SNX30: variants seen among roughly 807,000 people sequenced by gnomAD.
SNX30 encodes sorting nexin-30.
In SNX30, 24 loss-of-function variants were observed where a neutral mutation model predicts 46.4. The ratio of observed to expected loss-of-function variants is 0.52; its 90% CI spans 0.37 to 0.73. The LOEUF (loss-of-function observed/expected upper bound fraction) is 0.73. Among genes scored for constraint, SNX30 ranks in the 30% least tolerant of loss-of-function variants. The pLI is 0.00. For missense variants in SNX30, 533 were observed against 555.7 expected (o/e 0.96, Z 0.41); for synonymous variants, 189 against 211.5 (o/e 0.89, Z 0.92).
At chr9:112,865,846 G>T (rs1056362457) in intron 8 of SNX30, among the ~76,000 whole-genome samples, 1 of 151,364 alleles carries the variant, frequency 6.6e-6, no homozygotes, top group Non-Finnish European at 1.5e-5. Flanking sequence ...AGTGCAGTCT[G>T]TTACCCAGAG....
chr9:112,846,181 A>G (rs1840938050), intron 6 of SNX30, among the ~76,000 whole-genome samples: 2 of 152,214 alleles, frequency 1.3e-5, no homozygotes, highest in African/African-American at 4.8e-5. Flanking sequence ...CATCTGAATA[A>G]CAGGTGTGCA....
intron 1 of SNX30, among the ~76,000 whole-genome samples, chr9:112,786,117 CTTTTTT>C (rs140987500): frequency 3.8e-5 from 5 of 130,182 alleles, no homozygotes; most frequent in African/African-American, 2.8e-5. Context: ...AGGAGCTGTC[CTTTTTT>C]TTTTTTTTTT....
At chr9:112,796,265 T>C (rs1234698535) in intron 1 of SNX30, among the ~76,000 whole-genome samples, 1 of 152,212 alleles carries the variant, frequency 6.6e-6, no homozygotes, top group East Asian at 1.9e-4. Flanking sequence ...GGTGTGCTAG[T>C]GTTGATAAAA....
intron 6 of SNX30, among the ~76,000 whole-genome samples, chr9:112,847,881 G>T (rs983675188): frequency 6.6e-6 from 1 of 152,066 alleles, no homozygotes; most frequent in Non-Finnish European, 1.5e-5. Flanking sequence ...TTCCATTCCT[G>T]TTTTATTTTT....
At chr9:112,771,191 A>T (rs17742501) in intron 1 of SNX30, among the ~76,000 whole-genome samples, 10,378 of 152,302 alleles carry the variant, frequency 0.068, 455 homozygotes, top group Non-Finnish European at 0.099. Flanking sequence ...GCTTATTGCT[A>T]AATTTCCATG....
chr9:112,859,705 G>A (rs1434292581), intron 7 of SNX30, among the ~76,000 whole-genome samples: 4 of 144,178 alleles, frequency 2.8e-5, no homozygotes, highest in Admixed American at 6.9e-5. Flanking sequence ...TCCGCCTCCC[G>A]GAGACCAGCC....
intron 1 of SNX30, among the ~76,000 whole-genome samples, chr9:112,756,323 C>T (rs932916273): frequency 2.0e-5 from 3 of 152,004 alleles, no homozygotes; most frequent in Admixed American, 6.6e-5. Flanking sequence ...TAGACCCCAA[C>T]TTACTGTCTT....
chr9:112,850,515 G>A (rs527926100), intron 6 of SNX30, among the ~76,000 whole-genome samples: 10 of 152,342 alleles, frequency 6.6e-5, no homozygotes, highest in African/African-American at 1.2e-4. Context: ...CTGCACAGCC[G>A]GGCTCTGGCT....
chr9:112,832,180 C>G (rs745617792), intron 4 of SNX30, among the ~76,000 whole-genome samples: 11 of 151,994 alleles, frequency 7.2e-5, no homozygotes, highest in East Asian at 3.9e-4. Flanking sequence ...GCTTTCCCCC[C>G]CTACAGGTTG....
intron 3 of SNX30, among the ~76,000 whole-genome samples, chr9:112,826,087 G>A (rs1840575605): frequency 6.6e-6 from 1 of 152,116 alleles, no homozygotes; most frequent in Non-Finnish European, 1.5e-5. Flanking sequence ...GTTAAATGAG[G>A]CACTCCTAAC....
chr9:112,762,187 C>T (rs1839446390), intron 1 of SNX30, among the ~76,000 whole-genome samples: 1 of 151,976 alleles, frequency 6.6e-6, no homozygotes, highest in Non-Finnish European at 1.5e-5. Context: ...TTTTGGCAGC[C>T]AGCGCAGGGA....
At chr9:112,785,499 T>C (rs1192616285) in intron 1 of SNX30, among the ~76,000 whole-genome samples, 2 of 152,094 alleles carry the variant, frequency 1.3e-5, no homozygotes, top group Non-Finnish European at 2.9e-5. Flanking sequence ...TTCTCATGCC[T>C]TAGCCTCCTG....
chr9:112,857,425 C>T (rs1445755419), intron 7 of SNX30, among the ~76,000 whole-genome samples: 1 of 152,132 alleles, frequency 6.6e-6, no homozygotes, highest in Non-Finnish European at 1.5e-5. Flanking sequence ...CTGGAGGTGA[C>T]CAGCCTGGGG....
At chr9:112,853,049 G>A (rs10733598) in intron 7 of SNX30, among the ~76,000 whole-genome samples, 141,943 of 152,268 alleles carry the variant, frequency 0.93, 66,235 homozygotes, top group East Asian at 1. Flanking sequence ...TCCCCGTTTC[G>A]TGGGTGAGGA....
intron 8 of SNX30, among the ~76,000 whole-genome samples, chr9:112,865,663 GTA>G (rs1487070504): frequency 1.6e-4 from 12 of 73,468 alleles, no homozygotes; most frequent in African/African-American, 6.0e-4. Context: ...ATATATATAT[GTA>G]TGTATGTATG....
chr9:112,885,070 C>T (rs935841169), downstream of SNX30: 7 of 152,154 alleles, frequency 4.6e-5, no homozygotes, highest in African/African-American at 1.7e-4. Flanking sequence ...CAGTTTGCAC[C>T]TTAGGAATGA....
intron 2 of SNX30, among the ~76,000 whole-genome samples, chr9:112,817,444 C>T (rs1484361251): frequency 1.6e-5 from 1 of 60,780 alleles, no homozygotes; most frequent in African/African-American, 7.2e-5. Context: ...GACGGAGTCT[C>T]GCTCTGTCAC....
At chr9:112,850,028 TA>T (rs1840998575) in intron 6 of SNX30, among the ~76,000 whole-genome samples, 1 of 152,220 alleles carries the variant, frequency 6.6e-6, no homozygotes, top group African/African-American at 2.4e-5. Context: ...GAGCTTGGAC[TA>T]AGTGAGGGGA....
At chr9:112,758,619 C>G (rs1839388646) in intron 1 of SNX30, among the ~76,000 whole-genome samples, 1 of 152,216 alleles carries the variant, frequency 6.6e-6, no homozygotes, top group East Asian at 1.9e-4. Flanking sequence ...TGGTCTCGAA[C>G]TCCTGAGCTC....
Sources: allele counts gnomAD v4.1 joint callset (sites outside exome capture counted in the v4.1 genomes callset), GRCh38; gene constraint gnomAD v4.1.1; transcripts MANE v1.5; gene names NCBI Gene and HGNC (gene_info 2026-07-23, HGNC 2026-07-21).